The following CSRNP3 variants were observed in gnomAD, a reference collection of about 807,000 sequenced individuals.
CSRNP3 encodes cysteine and serine rich nuclear protein 3, also known as cysteine/serine-rich nuclear protein 3.
Under a neutral mutation model 48.0 loss-of-function variants are expected in CSRNP3, and 12 were observed. The observed-to-expected ratio is 0.25, with a 90% CI of 0.16 to 0.41. CSRNP3 has a LOEUF of 0.41. Among genes scored for constraint, CSRNP3 ranks in the 10% least tolerant of loss-of-function variants. CSRNP3 has a pLI of 1.00. For synonymous variants in CSRNP3, 263 were observed against 269.7 expected (o/e 0.98, Z 0.24); for missense variants, 580 against 724.4 (o/e 0.80, Z 2.29).
chr2:165,559,007 C>A (rs1272457179), intron 3 of CSRNP3, among the ~76,000 whole-genome samples: 1 of 152,068 alleles, frequency 6.6e-6, no homozygotes, highest in Non-Finnish European at 1.5e-5. Flanking sequence ...TCATCTAAAT[C>A]ATCTATGGTA....
At chr2:165,504,757 G>A (rs1243617700) in intron 2 of CSRNP3, among the ~76,000 whole-genome samples, 5 of 152,012 alleles carry the variant, frequency 3.3e-5, no homozygotes, top group Admixed American at 6.6e-5. Context: ...TCATGTCCCT[G>A]CTTTTGGTCC....
At chr2:165,526,723 T>G (rs1188623482) in intron 3 of CSRNP3, among the ~76,000 whole-genome samples, 1 of 152,176 alleles carries the variant, frequency 6.6e-6, no homozygotes, top group African/African-American at 2.4e-5. Flanking sequence ...AAAGTAGGCA[T>G]AGAGTCTGGC....
chr2:165,625,254 T>C (rs1177315604), intron 4 of CSRNP3, among the ~76,000 whole-genome samples: 2 of 152,072 alleles, frequency 1.3e-5, no homozygotes. Flanking sequence ...AGACAGGCAC[T>C]ACCCGGTTCT....
At chr2:165,656,937 G>T (rs912640026) in intron 4 of CSRNP3, among the ~76,000 whole-genome samples, 2 of 152,134 alleles carry the variant, frequency 1.3e-5, no homozygotes, top group African/African-American at 4.8e-5. Flanking sequence ...AGTTGTCCCT[G>T]GTTATCTGCA....
intron 2 of CSRNP3, among the ~76,000 whole-genome samples, chr2:165,511,416 T>C (rs1684504298): frequency 6.6e-6 from 1 of 152,048 alleles, no homozygotes; most frequent in South Asian, 2.1e-4. Context: ...AAAATGATGA[T>C]GTGGAAGACA....
intron 5 of CSRNP3, among the ~76,000 whole-genome samples, chr2:165,670,384 T>A (rs1271485685): frequency 6.6e-6 from 1 of 152,232 alleles, no homozygotes; most frequent in Non-Finnish European, 1.5e-5. Context: ...GGGCTGTATG[T>A]TGTGCACCAG....
chr2:165,582,375 T>C (rs1343294504), intron 3 of CSRNP3, among the ~76,000 whole-genome samples: 2 of 152,208 alleles, frequency 1.3e-5, no homozygotes, highest in African/African-American at 4.8e-5. Flanking sequence ...AAGTGTACCT[T>C]AACCTAGAAC....
intron 6 of CSRNP3, among the ~76,000 whole-genome samples, chr2:165,677,430 T>G (rs1010700110): frequency 6.6e-6 from 1 of 152,156 alleles, no homozygotes; most frequent in East Asian, 1.9e-4. Flanking sequence ...CCCCTTCATT[T>G]ATAATGTCAT....
At chr2:165,534,606 A>G (rs895591302) in intron 3 of CSRNP3, among the ~76,000 whole-genome samples, 1 of 151,942 alleles carries the variant, frequency 6.6e-6, no homozygotes, top group African/African-American at 2.4e-5. Flanking sequence ...ATATCTATCA[A>G]TAAGGTGTTG....
chr2:165,574,684 C>T (rs1260597556), intron 3 of CSRNP3, among the ~76,000 whole-genome samples: 1 of 151,958 alleles, frequency 6.6e-6, no homozygotes, highest in African/African-American at 2.4e-5. Flanking sequence ...GGGGTAAGTT[C>T]TTTATTGAAG....
At chr2:165,504,899 A>G (rs575942165) in intron 2 of CSRNP3, among the ~76,000 whole-genome samples, 5 of 152,276 alleles carry the variant, frequency 3.3e-5, no homozygotes, top group African/African-American at 1.2e-4. Flanking sequence ...ATATGAGCAG[A>G]CTGAAAAGGA....
At chr2:165,598,402 TGAG>T (rs1685846729) in intron 4 of CSRNP3, among the ~76,000 whole-genome samples, 1 of 152,200 alleles carries the variant, frequency 6.6e-6, no homozygotes, top group African/African-American at 2.4e-5. Context: ...TTTGATTTGT[TGAG>T]GAATTAAAAT....
intron 5 of CSRNP3, among the ~76,000 whole-genome samples, chr2:165,668,845 C>T (rs757738814): frequency 6.6e-6 from 1 of 152,142 alleles, no homozygotes; most frequent in African/African-American, 2.4e-5. Context: ...TCTACCATTG[C>T]TCTTAAGAAT....
intron 3 of CSRNP3, among the ~76,000 whole-genome samples, chr2:165,550,926 C>G (rs1226306117): frequency 2.6e-5 from 4 of 152,080 alleles, no homozygotes; most frequent in Admixed American, 2.6e-4. Flanking sequence ...GCAATTTTAG[C>G]TTTACCACAT....
At chr2:165,593,801 A>G (rs1685764156) in intron 3 of CSRNP3, among the ~76,000 whole-genome samples, 1 of 152,224 alleles carries the variant, frequency 6.6e-6, no homozygotes, top group African/African-American at 2.4e-5. Flanking sequence ...GGAATATAAA[A>G]TGCATGGAAT....
chr2:165,561,298 A>G (rs1217988099), intron 3 of CSRNP3, among the ~76,000 whole-genome samples: 5 of 152,206 alleles, frequency 3.3e-5, no homozygotes, highest in Non-Finnish European at 5.9e-5. Context: ...AGATGAAAGC[A>G]AATGTTTAAA....
At chr2:165,614,410 G>C (rs1686195849) in intron 4 of CSRNP3, among the ~76,000 whole-genome samples, 2 of 151,998 alleles carry the variant, frequency 1.3e-5, no homozygotes, top group African/African-American at 4.8e-5. Flanking sequence ...TTCCAATTTG[G>C]ATGTCCTTTA....
chr2:165,534,611 G>T (rs1280767054), intron 3 of CSRNP3, among the ~76,000 whole-genome samples: 1 of 151,694 alleles, frequency 6.6e-6, no homozygotes, highest in Non-Finnish European at 1.5e-5. Context: ...TATCAATAAG[G>T]TGTTGATTTA....
At chr2:165,560,779 C>G (rs1166175187) in intron 3 of CSRNP3, among the ~76,000 whole-genome samples, 1 of 152,196 alleles carries the variant, frequency 6.6e-6, no homozygotes, top group African/African-American at 2.4e-5. Context: ...ACTGCTCGAT[C>G]AGATGTGAAA....
Sources: allele counts gnomAD v4.1 joint callset (sites outside exome capture counted in the v4.1 genomes callset), GRCh38; gene constraint gnomAD v4.1.1; transcripts MANE v1.5; gene names NCBI Gene and HGNC (gene_info 2026-07-23, HGNC 2026-07-21).